The following PYGL variants were observed in gnomAD, a reference collection of about 807,000 sequenced individuals.
The protein encoded by PYGL is glycogen phosphorylase, liver form.
A neutral mutation model predicts 100.1 loss-of-function variants in PYGL; 90 were observed. The ratio of observed to expected loss-of-function variants is 0.90; its 90% CI spans 0.76 to 1.07. PYGL has a LOEUF of 1.07. PYGL is among the 50% of genes least tolerant of loss of function. PYGL has a pLI of 0.00. For missense variants in PYGL, 1,016 were observed against 1,057.6 expected, an observed-to-expected ratio of 0.96 and a Z score of 0.55; for synonymous variants, 373 against 393.0, an observed-to-expected ratio of 0.95 and a Z score of 0.60.
chr14:50,924,061 A>G lies in PYGL; in HGVS notation c.568T>C (p.Trp190Arg), dbSNP rs1273413259. The G allele has an allele frequency of 6.2e-7, 1 of 1,613,768 alleles. No individual in the cohort carries two copies. The highest frequency in any genetic ancestry group is 2.2e-5 in the East Asian group (1 of 44,886). ...ATGAATTCTGGGCGGGACTTCTCCC[A>G]AGGGTTTCCATATCTGAGCCAATCA... ...ADDWLRYGNP[W>R]EKSRPEFMLP... The change falls in exon 5 of 20, where the codon TGG (tryptophan) becomes CGG (arginine). Residue 190 changes from tryptophan (W) to arginine (R), a missense_variant. Transcript: ENST00000216392.
intron 19 of PYGL, among the ~76,000 whole-genome samples, chr14:50,907,075 AGTCTCTCCTATCAG>A (rs2050343291): frequency 6.6e-6 from 1 of 152,164 alleles, no homozygotes; most frequent in Admixed American, 6.5e-5. Context: ...ATTCACTAAA[AGTCTCTCCTATCAG>A]AGATGATCAA....
rs375744102 is a variant in PYGL, at chr14:50,911,959, T to A, written c.1827+19A>T. 2.5e-6 allele frequency: 4 copies of A among 1,613,154 alleles called. No individual in the cohort carries two copies. Among genetic ancestry groups the A allele is most frequent in the African/African-American group, 2.7e-5 (2 of 75,014 alleles). On this transcript the variant is annotated intron_variant, in intron 15 of 19. Coordinates refer to ENST00000216392, the MANE Select transcript of PYGL (RefSeq NM_002863.5). ...AGAGATTAGAGCCCTCAAGTCCCCA[T>A]TGAATAGATTCAACTTACTTTACCA...
intron 1 of PYGL, among the ~76,000 whole-genome samples, chr14:50,938,391 A>G (rs1210845527): frequency 5.7e-5 from 1 of 17,528 alleles, no homozygotes; most frequent in East Asian, 1.7e-3. Context: ...TTCTATTTTT[A>G]GTAGAGATGG....
intron 17 of PYGL, among the ~76,000 whole-genome samples, chr14:50,909,407 CTT>C (rs1364625417): frequency 6.6e-6 from 1 of 152,194 alleles, no homozygotes; most frequent in African/African-American, 2.4e-5. Context: ...GGGCAGTACT[CTT>C]TATTTTGTGC....
Position 50,928,323 on chromosome 14 carries a change from G to A in PYGL, c.528+3350C>T, listed in dbSNP as rs74339542. On this transcript the variant is annotated intron_variant, in intron 4 of 19. Transcript: ENST00000216392. Reference sequence around the variant, plus strand: ...TCTGATGTTATAATAACTGATAAATGTTTCTGTGGCACACCAAGAATTCCA... The same window carrying A: ...TCTGATGTTATAATAACTGATAAATATTTCTGTGGCACACCAAGAATTCCA... Among the ~76,000 whole-genome samples the A allele has an allele frequency of 4.3e-3, 648 of 152,262 alleles. 4 individuals carry two copies. The highest frequency in any genetic ancestry group is 0.015 in the African/African-American group (616 of 41,554).
chr14:50,936,700 TC>T (rs2050655826), intron 2 of PYGL, among the ~76,000 whole-genome samples: 1 of 151,762 alleles, frequency 6.6e-6, no homozygotes, highest in Non-Finnish European at 1.5e-5. Context: ...TCCCAGCTAC[TC>T]AGGAGGCTGA....
intron 12 of PYGL, among the ~76,000 whole-genome samples, 168 bp downstream of exon 12, chr14:50,914,533 G>C (rs2050427880): frequency 1.4e-5 from 2 of 143,056 alleles, no homozygotes; most frequent in Admixed American, 1.4e-4. Context: ...ATAATTTCAA[G>C]ATGACTACAG....
chr14:50,924,913 ACAC>A (rs1460032491), intron 4 of PYGL, among the ~76,000 whole-genome samples: 1 of 152,240 alleles, frequency 6.6e-6, no homozygotes, highest in East Asian at 1.9e-4. Flanking sequence ...CAAAATAAGA[ACAC>A]CACCACCACC....
chr14:50,911,502 G>C (rs2142790653), intron 16 of PYGL, among the ~76,000 whole-genome samples: 1 of 152,280 alleles, frequency 6.6e-6, no homozygotes, highest in African/African-American at 2.4e-5. Context: ...CACTGGCTTG[G>C]AAGAAAATGT....
intron 5 of PYGL, 159 bp downstream of exon 5, chr14:50,923,810 G>T (rs190484373): frequency 5.3e-6 from 5 of 943,028 alleles, no homozygotes; most frequent in Non-Finnish European, 7.7e-6. Context: ...ACTGGGCTGC[G>T]CTAAGAGAAG....
intron 3 of PYGL, among the ~76,000 whole-genome samples, chr14:50,932,180 A>T (rs987023249): frequency 2.0e-5 from 3 of 152,220 alleles, no homozygotes; most frequent in African/African-American, 7.2e-5. Context: ...TGGAAAAGAC[A>T]GTCCCAGGAG....
chr14:50,915,537 G>A lies in PYGL; in HGVS notation c.1240-38C>T, dbSNP rs1178074006. On this transcript the variant is annotated intron_variant, in intron 10 of 19. Coordinates refer to ENST00000216392, the MANE Select transcript of PYGL (RefSeq NM_002863.5). ...AGAGAAAGCCCTTGCTGGTCACTCA[G>A]GTTTAATGCAACATTGGGATAACGC... 4 of 1,610,818 alleles carry A rather than the reference G, an allele frequency of 2.5e-6. No individual in the cohort carries two copies. The African/African-American group carries it at 4.0e-5, about 16-fold the overall frequency.
intron 1 of PYGL, among the ~76,000 whole-genome samples, chr14:50,938,457 C>T (rs1245559330): frequency 1.3e-5 from 2 of 152,190 alleles, no homozygotes; most frequent in Non-Finnish European, 2.9e-5. Context: ...GGTGATCCGC[C>T]CACCTCGGCC....
At chr14:50,907,838 G>T (rs1013121871) in intron 19 of PYGL, among the ~76,000 whole-genome samples, 2 of 152,002 alleles carry the variant, frequency 1.3e-5, no homozygotes, top group African/African-American at 4.8e-5. Context: ...CTGAGGTCAG[G>T]AGTTCTAGAC....
At chr14:50,923,739 G>T in intron 5 of PYGL, 1 of 312,328 alleles carries the variant, frequency 3.2e-6, no homozygotes, top group East Asian at 6.4e-5. Context: ...AAAGCTGGTT[G>T]CAAAATGACC....
Position 50,905,326 on chromosome 14 carries a change from C to T in PYGL, c.*66G>A. Reference sequence around the variant, plus strand: ...GATTATTAGCTAACAAAACAAAAACCAGTGAATGTTGTAAAAATGTTCAAG... The same window carrying T: ...GATTATTAGCTAACAAAACAAAAACTAGTGAATGTTGTAAAAATGTTCAAG... On this transcript the variant is annotated 3_prime_UTR_variant, in exon 20 of 20. Coordinates refer to ENST00000216392, the MANE Select transcript of PYGL (RefSeq NM_002863.5). 6.7e-7 allele frequency: 1 copy of T among 1,497,418 alleles called. No individual in the cohort carries two copies. The highest frequency in any genetic ancestry group is 9.3e-7 in the Non-Finnish European group (1 of 1,076,710). 92.8% of individuals were successfully genotyped at this position (1,497,418 alleles called of 1,614,324 possible).
chr14:50,908,443 C>G (rs1010653818), intron 18 of PYGL, 106 bp from the exon 19 acceptor site: 2 of 1,043,846 alleles, frequency 1.9e-6, no homozygotes, highest in Non-Finnish European at 2.9e-6. Context: ...TCAGGCATGG[C>G]TGGTTTACCA....
At chr14:50,926,266 G>A (rs190508260) in intron 4 of PYGL, among the ~76,000 whole-genome samples, 1 of 151,734 alleles carries the variant, frequency 6.6e-6, no homozygotes, top group East Asian at 2.0e-4. Flanking sequence ...TGGGAGGATT[G>A]CTTGAGCCCG....
chr14:50,935,242 G>T, intron 2 of PYGL, 57 bp from the exon 3 acceptor site: 1 of 1,380,150 alleles, frequency 7.2e-7, no homozygotes, highest in Non-Finnish European at 1.0e-6. Flanking sequence ...CCATTCAGAG[G>T]GACAGCCATT....
Sources: gnomAD v4.1 joint callset for allele counts (sites outside exome capture counted in the v4.1 genomes callset) on GRCh38, gnomAD v4.1.1 for gene constraint, MANE v1.5 for transcripts, NCBI Gene and HGNC (gene_info 2026-07-23, HGNC 2026-07-21) for gene names.